IL15RA: variants seen among roughly 807,000 people sequenced by gnomAD.
IL15RA encodes the protein interleukin 15 receptor subunit alpha, also known as interleukin-15 receptor subunit alpha.
IL15RA carries 26 observed loss-of-function variants against 24.2 expected under a neutral mutation model. The ratio of observed to expected loss-of-function variants is 1.07; its 90% CI spans 0.79 to 1.49. The LOEUF is 1.49. Ranked by LOEUF, IL15RA falls within the 40% of genes most tolerant of loss-of-function variation. The pLI, the probability that IL15RA is intolerant of heterozygous loss-of-function variation, is 0.00. For synonymous variants in IL15RA, 166 were observed against 157.6 expected (o/e 1.05, Z -0.40); for missense variants, 354 against 356.4 (o/e 0.99, Z 0.05).
Position 5,971,761 on chromosome 10 carries a change from C to G in IL15RA, c.89-5422G>C, listed in dbSNP as rs1289546370. 6.6e-6 allele frequency among the ~76,000 whole-genome samples: 1 copy of G among 152,220 alleles called. No individual in the cohort carries two copies. The highest frequency in any genetic ancestry group is 2.4e-5 in the African/African-American group (1 of 41,454). On this transcript the variant is annotated intron_variant, in intron 1 of 6. Coordinates refer to ENST00000379977, the MANE Select transcript of IL15RA (RefSeq NM_002189.4). The surrounding 1 kb of genome is among the most constrained non-coding windows in gnomAD (Gnocchi z 5.5). ...AAATGTCAGCCAAGTCAACACACTT[C>G]CTTTTGGAGTTCCCAAAAAGTACAG...
chr10:5,964,789 G>A lies in IL15RA; in HGVS notation c.284-948C>T, dbSNP rs1013849453. Among the ~76,000 whole-genome samples the A allele has an allele frequency of 7.2e-5, 11 of 152,322 alleles. No homozygotes were observed. The highest frequency in any genetic ancestry group is 5.2e-4 in the Admixed American group (8 of 15,298). Reference sequence around the variant, plus strand: ...GCAGACAGGTTCCAGGGAGTCCCAGGACTGGCAGAGTAAGACCCACCGTGG... The same window carrying A: ...GCAGACAGGTTCCAGGGAGTCCCAGAACTGGCAGAGTAAGACCCACCGTGG... On this transcript the variant is annotated intron_variant, in intron 2 of 6. Coordinates refer to ENST00000379977, the MANE Select transcript of IL15RA (RefSeq NM_002189.4). The surrounding 1 kb of genome is among the most constrained non-coding windows in gnomAD (Gnocchi z 5.6).
Position 5,960,469 on chromosome 10 carries a change from C to A in IL15RA, c.481G>T (p.Gly161Ter). 6.2e-7 allele frequency: 1 copy of A among 1,614,102 alleles called. No homozygotes were observed. The highest frequency in any genetic ancestry group is 1.1e-5 in the South Asian group (1 of 91,072). ...TCATGACTGCTTATCTCTGTGGTTC[C>A]TGTGGAAGGTGATTTTGAAGGCATC... Reference protein sequence around the residue: ...QLMPSKSPSTGTTEISSHESS... With the variant: ...QLMPSKSPST Residue 161 changes from glycine to a stop codon, truncating the protein, a stop_gained, in exon 4 of 7, where the codon GGA becomes TGA. Coordinates refer to ENST00000379977, the MANE Select transcript of IL15RA (RefSeq NM_002189.4). LOFTEE classifies it high-confidence loss of function. The surrounding 1 kb of genome is among the most constrained non-coding windows in gnomAD (Gnocchi z 5.1).
intron 1 of IL15RA, among the ~76,000 whole-genome samples, chr10:5,974,519 A>G (rs760115848): frequency 6.6e-6 from 1 of 152,178 alleles, no homozygotes; most frequent in African/African-American, 2.4e-5. Flanking sequence ...ACTTCCCTAC[A>G]CTGCTGTGGG....
chr10:5,953,135 C>T lies in IL15RA; in HGVS notation c.764G>A (p.Ser255Asn). Residue 255 changes from serine (S) to asparagine (N), a missense_variant, in exon 7 of 7, where the codon AGC (serine) becomes AAC (asparagine). Transcript: ENST00000379977. This position sits in a 1 kb window ranked among gnomAD's most constrained non-coding sequence, Gnocchi z 5.3. ...GCAGTTTTCCAAGTCTTCATCTCTGCTGCTGGTCCCCCAAGTCACCGGCAG... is the reference window on the plus strand; with the variant it reads ...GCAGTTTTCCAAGTCTTCATCTCTGTTGCTGGTCCCCCAAGTCACCGGCAG... ...EALPVTWGTS[S>N]RDEDLENCSH... 6 of 1,614,236 alleles carry T rather than the reference C, an allele frequency of 3.7e-6. No individual in the cohort carries two copies. Among genetic ancestry groups the T allele is most frequent in the East Asian group, 2.2e-5 (1 of 44,890 alleles).
chr10:5,976,437 T>C (rs376249838), intron 1 of IL15RA, among the ~76,000 whole-genome samples: 1 of 152,168 alleles, frequency 6.6e-6, no homozygotes, highest in Non-Finnish European at 1.5e-5. Flanking sequence ...CTAATTCCTA[T>C]AGAGAGTCCA....
Position 5,966,304 on chromosome 10 carries a change from CGT to C in IL15RA, c.122_123del (p.His41ArgfsTer19). The C allele has an allele frequency of 6.2e-7, 1 of 1,612,228 alleles. No homozygotes were observed. The highest frequency in any genetic ancestry group is 8.5e-7 in the Non-Finnish European group (1 of 1,178,412). ...CTGTAGCTCTTGACCCAGATGTCTG[CGT>C]GTTCCACGGACATGGGGGGAGGGCA... ...ITCPPPMSVEHADIWVKSYSL... is the reference protein window; with the variant it reads ...ITCPPPMSVEXADIWVKSYSL... On this transcript the variant is annotated frameshift_variant, in exon 2 of 7. Transcript: ENST00000379977. LOFTEE classifies it high-confidence loss of function. This position sits in a 1 kb window ranked among gnomAD's most constrained non-coding sequence, Gnocchi z 6.4.
chr10:5,957,763 T>C (rs1290559408), intron 5 of IL15RA, among the ~76,000 whole-genome samples: 1 of 152,050 alleles, frequency 6.6e-6, no homozygotes, highest in Non-Finnish European at 1.5e-5. Flanking sequence ...GGCTAATTTT[T>C]GTATTTTTGG....
chr10:5,965,278 T>G lies in IL15RA; in HGVS notation c.283+867A>C, dbSNP rs1197061061. Reference sequence around the variant, plus strand: ...CTTCCCTCACCCCTGCTGGACACCATGCACAGGTGACTGAGCAAAGGGCAG... The same window carrying G: ...CTTCCCTCACCCCTGCTGGACACCAGGCACAGGTGACTGAGCAAAGGGCAG... On this transcript the variant is annotated intron_variant, in intron 2 of 6. Transcript: ENST00000379977. The surrounding 1 kb of genome is among the most constrained non-coding windows in gnomAD (Gnocchi z 5.8). Among the ~76,000 whole-genome samples the G allele has an allele frequency of 6.6e-6, 1 of 152,030 alleles. No individual in the cohort carries two copies. The highest frequency in any genetic ancestry group is 2.4e-5 in the African/African-American group (1 of 41,388).
At position 5,960,338 on chromosome 10, in the gene IL15RA, A is replaced by T; in HGVS notation, c.583+29T>A. 1 of 1,600,080 alleles carries T rather than the reference A, an allele frequency of 6.2e-7. No homozygotes were observed. Among genetic ancestry groups the T allele is most frequent in the Non-Finnish European group, 8.6e-7 (1 of 1,167,568 alleles). On this transcript the variant is annotated intron_variant, in intron 4 of 6. Coordinates refer to ENST00000379977, the MANE Select transcript of IL15RA (RefSeq NM_002189.4). The surrounding 1 kb of genome is among the most constrained non-coding windows in gnomAD (Gnocchi z 5.1). ...TCTCAGAAGCAGCAATGGGGAACTG[A>T]CCTCTCCTGGGGCAAAGCGAGTGCT... is the stretch of plus-strand genomic sequence containing the variant.
upstream of IL15RA, chr10:5,978,057 G>A (rs4749859): frequency 0.1 from 15,258 of 153,088 alleles, 1,189 homozygotes; most frequent in East Asian, 0.3. The surrounding 1 kb of genome is among the most constrained non-coding windows in gnomAD (Gnocchi z 5.2). Flanking sequence ...GCCGCGGTGC[G>A]GAGGCGCGGG....
At position 5,953,367 on chromosome 10, in the gene IL15RA, A is replaced by T; in HGVS notation, c.693-161T>A. On this transcript the variant is annotated intron_variant, in intron 6 of 6. Transcript: ENST00000379977. This position sits in a 1 kb window ranked among gnomAD's most constrained non-coding sequence, Gnocchi z 5.3. ...GACAGAGAGCACTTAGTCCTCAGAG[A>T]TGGAGAGAACCTAGAATGCCTACCT... 1 of 718,204 alleles carries T rather than the reference A, an allele frequency of 1.4e-6. No homozygotes were observed. The highest frequency in any genetic ancestry group is 2.6e-6 in the Non-Finnish European group (1 of 387,394). 44.5% of individuals were successfully genotyped at this position (718,204 alleles called of 1,614,324 possible).
Position 5,973,308 on chromosome 10 carries a change from T to C in IL15RA, c.88+4097A>G, listed in dbSNP as rs2132685182. ...TCCATTGATTTTGTTCCTTAATTTC[T>C]CTAAGCAATGCTTTGTAGTTTTCCA... is the stretch of plus-strand genomic sequence containing the variant. On this transcript the variant is annotated intron_variant, in intron 1 of 6. Transcript: ENST00000379977. The surrounding 1 kb of genome is among the most constrained non-coding windows in gnomAD (Gnocchi z 4.5). 6.6e-6 allele frequency among the ~76,000 whole-genome samples: 1 copy of C among 152,376 alleles called. No homozygotes were observed. The highest frequency in any genetic ancestry group is 1.5e-5 in the Non-Finnish European group (1 of 68,028).
At chr10:5,954,880 T>C (rs1834311142) in intron 6 of IL15RA, among the ~76,000 whole-genome samples, 1 of 152,194 alleles carries the variant, frequency 6.6e-6, no homozygotes, top group Non-Finnish European at 1.5e-5. Flanking sequence ...TTGTCAACAT[T>C]TTTCATTTTT....
rs1835265886 is a variant in IL15RA at position 5,960,215 on chromosome 10, G to C, written c.583+152C>G. The C allele has an allele frequency of 1.4e-6, 1 of 738,006 alleles. No homozygotes were observed. Among genetic ancestry groups the C allele is most frequent in the African/African-American group, 1.7e-5 (1 of 57,608 alleles). The allele number at this position is 738,006 out of a possible 1,614,324, so 45.7% of individuals were successfully genotyped here. On this transcript the variant is annotated intron_variant, in intron 4 of 6. Coordinates refer to ENST00000379977, the MANE Select transcript of IL15RA (RefSeq NM_002189.4). The surrounding 1 kb of genome is among the most constrained non-coding windows in gnomAD (Gnocchi z 5.1). ...AGCCACGGAGAAAGAGGTCAGGCCA[G>C]GACGCCGTGGCTGGTGGCCGGGGCC...
rs1836855970 is a variant in IL15RA, at chr10:5,967,886, C to G, written c.89-1547G>C. Among the ~76,000 whole-genome samples the G allele has an allele frequency of 6.6e-6, 1 of 151,982 alleles. No individual in the cohort carries two copies. Among genetic ancestry groups the G allele is most frequent in the Admixed American group, 6.6e-5 (1 of 15,242 alleles). ...CCAGCCTGGCTAACATGGTGAAAGC[C>G]CGTCTCTACTAAAATACAAAAAATT... On this transcript the variant is annotated intron_variant, in intron 1 of 6. Coordinates refer to ENST00000379977, the MANE Select transcript of IL15RA (RefSeq NM_002189.4). The surrounding 1 kb of genome is among the most constrained non-coding windows in gnomAD (Gnocchi z 4.4).
At chr10:5,977,315 C>T (rs1237535876) in intron 1 of IL15RA, 90 bp downstream of exon 1, 1 of 569,478 alleles carries the variant, frequency 1.8e-6, no homozygotes. Flanking sequence ...CCCGCACGGC[C>T]CGGGGAGATG....
rs925007841 is a variant in IL15RA, at chr10:5,966,473, C to T, written c.89-134G>A. 1.5e-5 allele frequency: 10 copies of T among 659,470 alleles called. No individual in the cohort carries two copies. The highest frequency in any genetic ancestry group is 1.1e-4 in the Admixed American group (4 of 38,080). 40.9% of individuals were successfully genotyped at this position (659,470 alleles called of 1,614,324 possible). On this transcript the variant is annotated intron_variant, in intron 1 of 6. Transcript: ENST00000379977. The surrounding 1 kb of genome is among the most constrained non-coding windows in gnomAD (Gnocchi z 6.4). ...CAGGACAAGCCCCAGGTGCCAGGCA[C>T]GTGGAGGATGTACAGGAAGAGCATC... is the stretch of plus-strand genomic sequence containing the variant.
In IL15RA at chr10:5,952,807, T is replaced by C. The variant is rs1238217413; in HGVS notation, c.*288A>G. Reference sequence around the variant, plus strand: ...CACATGTATTCCAGGCAGCTCACACTGTAATGAAATAAAAATCCTGCTCAG... The same window carrying C: ...CACATGTATTCCAGGCAGCTCACACCGTAATGAAATAAAAATCCTGCTCAG... On this transcript the variant is annotated 3_prime_UTR_variant, in exon 7 of 7. Coordinates refer to ENST00000379977, the MANE Select transcript of IL15RA (RefSeq NM_002189.4). The C allele has an allele frequency of 1.6e-5, 8 of 502,680 alleles. No homozygotes were observed. The East Asian group carries it at 2.7e-4, about 17-fold the overall frequency. 31.1% of individuals were successfully genotyped at this position (502,680 alleles called of 1,614,324 possible). A position where few individuals can be genotyped will look rare whatever the true frequency, so the allele number is the denominator to read the frequency against.
Position 5,966,268 on chromosome 10 carries a change from T to C in IL15RA, c.160A>G (p.Arg54Gly). The change falls in exon 2 of 7, where the codon AGG becomes GGG. Residue 54 changes from arginine (R) to glycine (G), a missense_variant. Coordinates refer to ENST00000379977, the MANE Select transcript of IL15RA (RefSeq NM_002189.4). The surrounding 1 kb of genome is among the most constrained non-coding windows in gnomAD (Gnocchi z 6.4). ...CCAGAGTTACAAATGTACCGCTCCC[T>C]GGAGTACAAGCTGTAGCTCTTGACC... ...IWVKSYSLYSRERYICNSGFK... is the reference protein window; with the variant it reads ...IWVKSYSLYSGERYICNSGFK... 1 of 1,614,104 alleles carries C rather than the reference T, an allele frequency of 6.2e-7. No individual in the cohort carries two copies.
Sources: gnomAD v4.1 joint callset for allele counts (sites outside exome capture counted in the v4.1 genomes callset) on GRCh38, gnomAD v4.1.1 for gene constraint, Gnocchi (gnomAD v3.1) non-coding constraint, MANE v1.5 for transcripts, NCBI Gene and HGNC (gene_info 2026-07-23, HGNC 2026-07-21) for gene names.